The following PAG1 variants were observed in gnomAD, a reference collection of about 807,000 sequenced individuals.
The protein encoded by PAG1 is phosphoprotein associated with glycosphingolipid-enriched microdomains 1.
PAG1 carries 23 observed loss-of-function variants against 31.7 expected under a neutral mutation model. The observed-to-expected ratio is 0.73, with a 90% CI of 0.52 to 1.03. PAG1 has a LOEUF of 1.03. Ranked by LOEUF, PAG1 falls within the 50% of genes least tolerant of loss-of-function variation. PAG1 has a pLI of 0.00. For missense variants in PAG1, 473 were observed against 540.7 expected (o/e 0.87, Z 1.24); for synonymous variants, 214 against 210.3 (o/e 1.02, Z -0.15).
intron 3 of PAG1, among the ~76,000 whole-genome samples, chr8:81,005,667 A>G (rs1020338437): frequency 2.0e-5 from 3 of 152,228 alleles, no homozygotes; most frequent in African/African-American, 4.8e-5. Flanking sequence ...AACTGAAGTG[A>G]TAAGTGTGAT....
At chr8:81,074,521 A>T (rs901320751) in intron 1 of PAG1, among the ~76,000 whole-genome samples, 3 of 152,184 alleles carry the variant, frequency 2.0e-5, no homozygotes, top group African/African-American at 7.2e-5. Flanking sequence ...GATAGAAGAC[A>T]GAAGGTGGTG....
intron 1 of PAG1, among the ~76,000 whole-genome samples, chr8:81,092,597 A>C (rs1809466409): frequency 6.6e-6 from 1 of 152,234 alleles, no homozygotes; most frequent in Non-Finnish European, 1.5e-5. Context: ...GCTTGATCCA[A>C]AATTGTATCC....
chr8:81,029,345 G>GTCTC (rs71918703), intron 3 of PAG1, among the ~76,000 whole-genome samples: 4 of 149,334 alleles, frequency 2.7e-5, no homozygotes, highest in Admixed American at 1.3e-4. Context: ...TCCTTCTTTG[G>GTCTC]TCTCTCTCTC....
intron 2 of PAG1, among the ~76,000 whole-genome samples, chr8:81,040,346 C>T (rs562542675): frequency 2.0e-5 from 3 of 152,310 alleles, no homozygotes; most frequent in African/African-American, 4.8e-5. Flanking sequence ...GAGCCACAAA[C>T]ATAACCCAGG....
At chr8:81,008,947 G>T (rs1003540660) in intron 3 of PAG1, among the ~76,000 whole-genome samples, 2 of 152,120 alleles carry the variant, frequency 1.3e-5, no homozygotes, top group Non-Finnish European at 2.9e-5. Flanking sequence ...CTACTGTGTG[G>T]TACATAAAGC....
chr8:80,978,279 C>T (rs1022801220), intron 8 of PAG1, among the ~76,000 whole-genome samples: 2 of 152,088 alleles, frequency 1.3e-5, no homozygotes, highest in Non-Finnish European at 2.9e-5. Context: ...AACATTCTCA[C>T]CTTAGAGGTT....
In PAG1 at chr8:80,984,946, A is replaced by AT; in HGVS notation, c.705dup (p.Cys236MetfsTer6). ...CTCTCTACATTAACACTTTGACGAC[A>AT]TTTTTTGTTTCTGTCCACCGAGGCA... On this transcript the variant is annotated frameshift_variant, in exon 7 of 9. Coordinates refer to ENST00000220597, the MANE Select transcript of PAG1 (RefSeq NM_018440.4). LOFTEE classifies it high-confidence loss of function. The AT allele has an allele frequency of 6.2e-7, 1 of 1,613,958 alleles. No individual in the cohort carries two copies. The highest frequency in any genetic ancestry group is 8.5e-7 in the Non-Finnish European group (1 of 1,179,974).
At chr8:81,063,403 T>A (rs923977735) in intron 2 of PAG1, among the ~76,000 whole-genome samples, 14 of 152,204 alleles carry the variant, frequency 9.2e-5, no homozygotes, top group African/African-American at 3.4e-4. Context: ...TCTCTGCGAC[T>A]GAACAGGAGA....
At position 81,076,660 on chromosome 8, in the gene PAG1, C is replaced by A. The variant is rs573693804; in HGVS notation, c.-233-6490G>T. Among the ~76,000 whole-genome samples the A allele has an allele frequency of 2.0e-5, 3 of 152,254 alleles. No homozygotes were observed. The South Asian group carries it at 6.2e-4, about 32-fold the overall frequency. On this transcript the variant is annotated intron_variant, in intron 1 of 8. Transcript: ENST00000220597. ...TTACTTTCATGTAAAAATTATAGGGCAACTTCTTTGGTTTCTCAGATTTTG... is the reference window on the plus strand; with the variant it reads ...TTACTTTCATGTAAAAATTATAGGGAAACTTCTTTGGTTTCTCAGATTTTG...
intron 2 of PAG1, among the ~76,000 whole-genome samples, chr8:81,065,234 C>T (rs1426445172): frequency 1.3e-5 from 2 of 152,218 alleles, no homozygotes; most frequent in African/African-American, 4.8e-5. Context: ...ACAGAGAAGT[C>T]ACAGGCTTTT....
At chr8:81,048,706 T>C (rs1055508336) in intron 2 of PAG1, among the ~76,000 whole-genome samples, 1 of 152,234 alleles carries the variant, frequency 6.6e-6, no homozygotes, top group Non-Finnish European at 1.5e-5. Flanking sequence ...TGGTTGTCAT[T>C]ATTATGATTT....
rs778049887 is a variant in PAG1, at chr8:81,021,709, T to C, written c.-81+8287A>G. Among the ~76,000 whole-genome samples the C allele has an allele frequency of 2.0e-5, 3 of 152,124 alleles. No individual in the cohort carries two copies. In the South Asian group the frequency reaches 6.2e-4, roughly 32 times the overall value. ...ATGAAGTAATCTGTGGTTTCAATTA[T>C]GAGGAAAACATTGTGGATTAAAGGA... On this transcript the variant is annotated intron_variant, in intron 3 of 8. Transcript: ENST00000220597.
Position 80,970,759 on chromosome 8 carries a change from A to G in PAG1, c.*5785T>C, listed in dbSNP as rs1422434809. Reference sequence around the variant, plus strand: ...GGCAAAAGTCGTGACAAATAGCACCAGCATCTGCCGCCCTAGGTGGACCTG... The same window carrying G: ...GGCAAAAGTCGTGACAAATAGCACCGGCATCTGCCGCCCTAGGTGGACCTG... On this transcript the variant is annotated 3_prime_UTR_variant, in exon 9 of 9. Coordinates refer to ENST00000220597, the MANE Select transcript of PAG1 (RefSeq NM_018440.4). The G allele has an allele frequency of 6.5e-6, 1 of 153,210 alleles. No homozygotes were observed. Among genetic ancestry groups the G allele is most frequent in the East Asian group, 1.9e-4 (1 of 5,200 alleles). 9.5% of individuals were successfully genotyped at this position (153,210 alleles called of 1,614,324 possible).
At chr8:81,047,409 T>C (rs1260210765) in intron 2 of PAG1, among the ~76,000 whole-genome samples, 3 of 152,362 alleles carry the variant, frequency 2.0e-5, no homozygotes, top group East Asian at 3.8e-4. Flanking sequence ...GGTATCTCAT[T>C]GTGGTTTTGA....
At chr8:81,111,167 A>T (rs1809767165) in intron 1 of PAG1, among the ~76,000 whole-genome samples, 1 of 152,184 alleles carries the variant, frequency 6.6e-6, no homozygotes, top group African/African-American at 2.4e-5. Flanking sequence ...GTAAAGCGGG[A>T]TGCGCGGGAA....
At chr8:80,981,868 T>C (rs1325529779) in intron 7 of PAG1, among the ~76,000 whole-genome samples, 3 of 139,854 alleles carry the variant, frequency 2.1e-5, no homozygotes, top group Non-Finnish European at 3.1e-5. Flanking sequence ...CTTCCTTTTT[T>C]TTTTTTTTTT....
intron 2 of PAG1, among the ~76,000 whole-genome samples, chr8:81,063,661 G>C (rs116112227): frequency 0.01 from 1,541 of 152,200 alleles, 31 homozygotes; most frequent in African/African-American, 0.036. Flanking sequence ...TTAATGACCA[G>C]GTGTTTCACG....
At chr8:81,063,205 C>T (rs1808946059) in intron 2 of PAG1, among the ~76,000 whole-genome samples, 1 of 152,200 alleles carries the variant, frequency 6.6e-6, no homozygotes, top group Non-Finnish European at 1.5e-5. Context: ...CTATTCGAGG[C>T]TCAGATAAGG....
chr8:81,068,091 T>C (rs1809036067), intron 2 of PAG1, among the ~76,000 whole-genome samples: 1 of 152,184 alleles, frequency 6.6e-6, no homozygotes, highest in Non-Finnish European at 1.5e-5. Flanking sequence ...AAGACGGGGT[T>C]TCACCATGTT....
Sources: allele counts gnomAD v4.1 joint callset (sites outside exome capture counted in the v4.1 genomes callset), GRCh38; gene constraint gnomAD v4.1.1; transcripts MANE v1.5; gene names NCBI Gene and HGNC (gene_info 2026-07-23, HGNC 2026-07-21).